TMEM117: variants seen among roughly 807,000 people sequenced by gnomAD.
TMEM117 encodes transmembrane protein 117.
TMEM117 carries 27 observed loss-of-function variants against 52.4 expected under a neutral mutation model. The observed-to-expected ratio is 0.51, with a 90% CI of 0.38 to 0.71. The LOEUF (loss-of-function observed/expected upper bound fraction) is 0.71. Ranked by LOEUF, TMEM117 falls within the 30% of genes least tolerant of loss-of-function variation. TMEM117 has a pLI of 0.00. For missense variants in TMEM117, 556 were observed against 630.5 expected, an observed-to-expected ratio of 0.88 and a Z score of 1.26; for synonymous variants, 215 against 206.3, an observed-to-expected ratio of 1.04 and a Z score of -0.36.
chr12:44,073,508 T>C (rs1022064356), intron 3 of TMEM117: 1 of 152,210 alleles, frequency 6.6e-6, no homozygotes, highest in South Asian at 2.1e-4. Context: ...CATACTATTA[T>C]TGAGGTTTTC....
intron 4 of TMEM117, among the ~76,000 whole-genome samples, chr12:44,176,150 T>C (rs1949113500): frequency 6.6e-6 from 1 of 152,238 alleles, no homozygotes; most frequent in African/African-American, 2.4e-5. Flanking sequence ...ATTACTAATA[T>C]TATGAAGAAT....
rs377644918 is a variant in TMEM117 at position 43,944,337 on chromosome 12, C to T, written c.405C>T (p.Asn135=). 6.2e-7 allele frequency: 1 copy of T among 1,610,638 alleles called. No individual in the cohort carries two copies. Among genetic ancestry groups the T allele is most frequent in the South Asian group, 1.1e-5 (1 of 90,474 alleles). ...ACACGATTCTTCTAATGGATGGGAACATGGGGTAGGTTTTCTTTCCCCTTT... is the reference window on the plus strand; with the variant it reads ...ACACGATTCTTCTAATGGATGGGAATATGGGGTAGGTTTTCTTTCCCCTTT... The part of the protein sequence containing the change: ...IYNTILLMDG[N]MGAYIITDYM... Residue 135 remains asparagine (N), a synonymous_variant, in exon 3 of 8, where the codon AAC becomes AAT. Transcript: ENST00000266534.
chr12:44,368,460 G>T (rs112397488), intron 6 of TMEM117, among the ~76,000 whole-genome samples: 1,715 of 152,074 alleles, frequency 0.011, 34 homozygotes, highest in African/African-American at 0.04. Context: ...TCCATTATTT[G>T]TAAAGTGAAT....
chr12:44,237,164 T>A (rs1013813595), intron 5 of TMEM117, among the ~76,000 whole-genome samples: 1 of 152,100 alleles, frequency 6.6e-6, no homozygotes, highest in South Asian at 2.1e-4. Flanking sequence ...TTGATCTGTT[T>A]CCTAGTTCCC....
At chr12:43,997,291 C>CA (rs1259793796) in intron 3 of TMEM117, among the ~76,000 whole-genome samples, 1 of 152,148 alleles carries the variant, frequency 6.6e-6, no homozygotes, top group Non-Finnish European at 1.5e-5. Flanking sequence ...GAAATAGCAG[C>CA]AAGAACAGGT....
chr12:43,965,596 G>T (rs1255499632), intron 3 of TMEM117, among the ~76,000 whole-genome samples: 1 of 152,114 alleles, frequency 6.6e-6, no homozygotes, highest in East Asian at 1.9e-4. Flanking sequence ...TTGTCCTTAG[G>T]CATATTGTAT....
At position 43,963,882 on chromosome 12, in the gene TMEM117, A is replaced by G. The variant is rs546278093; in HGVS notation, c.410+19540A>G. ...TCCAGCCTCCCAAATTTTGTGTACA[A>G]TGTGAGAGAGTTTACAGACTCCCAG... On this transcript the variant is annotated intron_variant, in intron 3 of 7. Coordinates refer to ENST00000266534, the MANE Select transcript of TMEM117 (RefSeq NM_032256.3). 7.9e-5 allele frequency among the ~76,000 whole-genome samples: 12 copies of G among 152,314 alleles called. No homozygotes were observed. The East Asian group carries it at 1.2e-3, about 15-fold the overall frequency.
intron 5 of TMEM117, among the ~76,000 whole-genome samples, chr12:44,261,316 G>T (rs997716556): frequency 1.3e-5 from 2 of 150,776 alleles, no homozygotes; most frequent in Non-Finnish European, 3.0e-5. Context: ...AAATAGTAAA[G>T]ATTCAAACAC....
the TMEM117 span, among the ~76,000 whole-genome samples, chr12:43,826,785 C>T: frequency 6.6e-6 from 1 of 152,098 alleles, no homozygotes; most frequent in African/African-American, 2.4e-5. Flanking sequence ...CTTCACATCT[C>T]ATGCTGGAAT....
intron 3 of TMEM117, among the ~76,000 whole-genome samples, chr12:43,952,950 C>T: frequency 6.6e-6 from 1 of 152,162 alleles, no homozygotes; most frequent in East Asian, 1.9e-4. Flanking sequence ...GACCCCTAAG[C>T]AGAAACCCTG....
chr12:43,865,708 A>C (rs1432173951), intron 2 of TMEM117, among the ~76,000 whole-genome samples: 2 of 150,924 alleles, frequency 1.3e-5, no homozygotes, highest in African/African-American at 4.9e-5. Flanking sequence ...AAAAAAGAAA[A>C]AAAGAAAAAA....
chr12:44,184,928 C>T (rs762505772), intron 4 of TMEM117, among the ~76,000 whole-genome samples: 1 of 152,182 alleles, frequency 6.6e-6, no homozygotes, highest in African/African-American at 2.4e-5. Flanking sequence ...AGTACTCGTA[C>T]CTTTTTGCTT....
In TMEM117 at chr12:43,864,687, A is replaced by G. The variant is rs888625351; in HGVS notation, c.277+19759A>G. On this transcript the variant is annotated intron_variant, in intron 2 of 7. Coordinates refer to ENST00000266534, the MANE Select transcript of TMEM117 (RefSeq NM_032256.3). ...ATCAGCACCCTGTCAAAACAGACCA[A>G]TCAGCTCTCTGTGAAATAGACCAAT... Among the ~76,000 whole-genome samples, 4 of 152,150 alleles carry G rather than the reference A, an allele frequency of 2.6e-5. No individual in the cohort carries two copies. The East Asian group carries it at 5.8e-4, about 22-fold the overall frequency.
chr12:44,346,131 A>G (rs1404843562), intron 6 of TMEM117, among the ~76,000 whole-genome samples: 2 of 152,114 alleles, frequency 1.3e-5, no homozygotes, highest in Non-Finnish European at 2.9e-5. Flanking sequence ...GTTAACTTAA[A>G]TCATTTCAGT....
Position 44,089,686 on chromosome 12 carries a change from C to T in TMEM117, c.411-53839C>T, listed in dbSNP as rs141984004. On this transcript the variant is annotated intron_variant, in intron 3 of 7. Transcript: ENST00000266534. The stretch of plus-strand genomic sequence containing the variant: ...AACACCTTTCCTCACTGATTTCTAC[C>T]CATTCTTCAAGCCATTCTTTCCCAG... Among the ~76,000 whole-genome samples, 121 of 152,224 alleles carry T rather than the reference C, an allele frequency of 7.9e-4. 1 individual carries two copies. The highest frequency in any genetic ancestry group is 2.8e-3 in the African/African-American group (116 of 41,532).
At chr12:43,809,408 C>T in the TMEM117 span, among the ~76,000 whole-genome samples, 1 of 152,188 alleles carries the variant, frequency 6.6e-6, no homozygotes, top group Non-Finnish European at 1.5e-5. Flanking sequence ...TCCATTTTCT[C>T]TCTTGTTATA....
At chr12:43,797,985 C>A in the TMEM117 span, 107 of 766,654 alleles carry the variant, frequency 1.4e-4, no homozygotes, top group Non-Finnish European at 1.9e-4. Context: ...GTCCTGCTAG[C>A]ATTTTGTCAA....
At chr12:44,103,435 C>A (rs11613902) in intron 3 of TMEM117, among the ~76,000 whole-genome samples, 35,590 of 151,866 alleles carry the variant, frequency 0.23, 7,068 homozygotes, top group African/African-American at 0.55. Flanking sequence ...ATTTCTAACC[C>A]TTGCATTTAG....
At chr12:44,314,357 C>G (rs1011509070) in intron 6 of TMEM117, among the ~76,000 whole-genome samples, 2 of 152,030 alleles carry the variant, frequency 1.3e-5, no homozygotes, top group African/African-American at 4.8e-5. Flanking sequence ...GATGATCATA[C>G]AGTTTTGGTT....
Sources: gnomAD v4.1 joint callset for allele counts (sites outside exome capture counted in the v4.1 genomes callset) on GRCh38, gnomAD v4.1.1 for gene constraint, MANE v1.5 for transcripts, NCBI Gene and HGNC (gene_info 2026-07-23, HGNC 2026-07-21) for gene names.